The following HIVEP3 variants were observed in gnomAD, a reference collection of about 807,000 sequenced individuals.
The protein encoded by HIVEP3 is transcription factor HIVEP3.
A neutral mutation model predicts 152.8 loss-of-function variants in HIVEP3; 49 were observed. The ratio of observed to expected loss-of-function variants is 0.32; its 90% CI spans 0.26 to 0.41. The LOEUF is 0.41. HIVEP3 is among the 10% of genes least tolerant of loss of function. The probability of loss-of-function intolerance (pLI) is 1.00; values close to 1 mark genes in which losing one functional copy is unlikely to be tolerated. For missense variants in HIVEP3, 2,790 were observed against 3,103.3 expected, an observed-to-expected ratio of 0.90 and a Z score of 2.40; for synonymous variants, 1,269 against 1,289.0, an observed-to-expected ratio of 0.98 and a Z score of 0.33.
chr1:41,893,926 A>G (rs959105319), intron 1 of HIVEP3, among the ~76,000 whole-genome samples: 54 of 148,376 alleles, frequency 3.6e-4, no homozygotes, highest in African/African-American at 1.3e-3. Context: ...ATATATATAT[A>G]AATTGTCTTT....
intron 1 of HIVEP3, among the ~76,000 whole-genome samples, chr1:42,033,323 C>CT (rs796173254): frequency 4.0e-5 from 6 of 151,506 alleles, no homozygotes; most frequent in East Asian, 1.9e-4. Context: ...TTTTAATTGT[C>CT]TTTTTTTTTA....
At chr1:41,955,280 T>C (rs1540974) in intron 1 of HIVEP3, among the ~76,000 whole-genome samples, 70,501 of 151,490 alleles carry the variant, frequency 0.47, 17,108 homozygotes, top group East Asian at 0.71. Context: ...TTTAGAAAAA[T>C]TGTGATGGAA....
chr1:41,734,308 C>T (rs377256160), intron 1 of HIVEP3, among the ~76,000 whole-genome samples: 13 of 152,210 alleles, frequency 8.5e-5, no homozygotes, highest in East Asian at 3.8e-4. Flanking sequence ...ATCTGAAAAA[C>T]GGAGCAGACA....
intron 1 of HIVEP3, among the ~76,000 whole-genome samples, chr1:41,849,368 T>G (rs1365682513): frequency 6.6e-6 from 1 of 152,220 alleles, no homozygotes; most frequent in African/African-American, 2.4e-5. Flanking sequence ...AAACTAACCA[T>G]GCACAAACTT....
intron 2 of HIVEP3, among the ~76,000 whole-genome samples, chr1:41,665,697 G>A (rs1247379639): frequency 1.9e-4 from 6 of 32,224 alleles, no homozygotes; most frequent in Admixed American, 2.5e-4. Context: ...TTGTTTCCAC[G>A]GAAATGTTAT....
At chr1:41,721,265 T>C (rs1646670025) in intron 1 of HIVEP3, among the ~76,000 whole-genome samples, 1 of 151,716 alleles carries the variant, frequency 6.6e-6, no homozygotes, top group Non-Finnish European at 1.5e-5. Flanking sequence ...TGGAGTGCAA[T>C]GGAGCGATCT....
intron 1 of HIVEP3, among the ~76,000 whole-genome samples, chr1:41,711,427 A>G (rs1332927811): frequency 6.6e-6 from 1 of 152,200 alleles, no homozygotes; most frequent in African/African-American, 2.4e-5. Flanking sequence ...CCCAGCAGAC[A>G]CTAAGGAGCA....
intron 1 of HIVEP3, among the ~76,000 whole-genome samples, chr1:41,724,726 C>T (rs1646728369): frequency 6.6e-6 from 1 of 152,240 alleles, no homozygotes; most frequent in Non-Finnish European, 1.5e-5. Context: ...CCAGCCATCA[C>T]ACACAGGCCA....
chr1:41,991,186 C>A (rs1408137932), intron 1 of HIVEP3, among the ~76,000 whole-genome samples: 3 of 152,134 alleles, frequency 2.0e-5, no homozygotes, highest in East Asian at 1.9e-4. Context: ...ACACAAAAAA[C>A]CCTTCAAAAA....
At chr1:41,742,997 G>T (rs1010006763) in intron 1 of HIVEP3, among the ~76,000 whole-genome samples, 3 of 152,108 alleles carry the variant, frequency 2.0e-5, no homozygotes, top group African/African-American at 7.2e-5. Flanking sequence ...AATTTCATGG[G>T]GCTGTTGTGA....
chr1:41,746,020 C>G (rs1647066345), intron 1 of HIVEP3, among the ~76,000 whole-genome samples: 1 of 152,196 alleles, frequency 6.6e-6, no homozygotes, highest in African/African-American at 2.4e-5. Flanking sequence ...GCAGCCAGCC[C>G]CTGGCTGAGA....
intron 1 of HIVEP3, chr1:42,035,802 C>T (rs1276848816): frequency 6.6e-6 from 1 of 151,258 alleles, no homozygotes; most frequent in Non-Finnish European, 1.5e-5. Flanking sequence ...CGCGGCCAGC[C>T]TTACCTGCGC....
In HIVEP3 at chr1:41,511,327, G is replaced by T. The variant is rs1558013976; in HGVS notation, c.6406-61C>A. On this transcript the variant is annotated intron_variant, in intron 8 of 8. Coordinates refer to ENST00000372583, the MANE Select transcript of HIVEP3 (RefSeq NM_024503.5). This position sits in a 1 kb window ranked among gnomAD's most constrained non-coding sequence, Gnocchi z 4.9. Reference sequence around the variant, plus strand: ...TTACATGCTGGGCACATGGGGAGCCGAGGCCTGGAAGTGGGAGGGGGACTC... The same window carrying T: ...TTACATGCTGGGCACATGGGGAGCCTAGGCCTGGAAGTGGGAGGGGGACTC... The T allele has an allele frequency of 2.8e-6, 4 of 1,411,358 alleles. No individual in the cohort carries two copies. Among genetic ancestry groups the T allele is most frequent in the Non-Finnish European group, 3.8e-6 (4 of 1,052,136 alleles). 87.4% of individuals were successfully genotyped at this position (1,411,358 alleles called of 1,614,324 possible).
chr1:41,801,823 A>C (rs1650325846), intron 1 of HIVEP3, among the ~76,000 whole-genome samples: 1 of 152,188 alleles, frequency 6.6e-6, no homozygotes, highest in East Asian at 1.9e-4. Flanking sequence ...CACTGATGAG[A>C]GGAAATAATC....
chr1:41,518,286 AG>A, intron 7 of HIVEP3, 115 bp downstream of exon 7: 3 of 829,680 alleles, frequency 3.6e-6, no homozygotes, highest in South Asian at 1.4e-5. Flanking sequence ...AGAGGGGAGG[AG>A]GGGGAATGGG....
chr1:41,517,929 G>A (rs1022246897), intron 7 of HIVEP3, among the ~76,000 whole-genome samples: 4 of 152,244 alleles, frequency 2.6e-5, no homozygotes, highest in African/African-American at 7.2e-5. Flanking sequence ...CCATGCCAGA[G>A]TGTGTAGGCA....
intron 5 of HIVEP3, among the ~76,000 whole-genome samples, chr1:41,563,636 C>T (rs1043660031): frequency 1.3e-5 from 2 of 152,134 alleles, no homozygotes; most frequent in African/African-American, 4.8e-5. Flanking sequence ...CACTTCCAAT[C>T]ATCTTTGAGC....
chr1:41,719,593 C>T (rs1031621552), intron 1 of HIVEP3, among the ~76,000 whole-genome samples: 4 of 152,242 alleles, frequency 2.6e-5, no homozygotes, highest in Non-Finnish European at 5.9e-5. Context: ...GGCTGCTCCA[C>T]ATCACTCAGG....
At chr1:41,820,140 T>C (rs997910544) in intron 1 of HIVEP3, among the ~76,000 whole-genome samples, 5 of 152,186 alleles carry the variant, frequency 3.3e-5, no homozygotes, top group African/African-American at 1.2e-4. Flanking sequence ...CCCATACATT[T>C]TTTGTCTATT....
Sources: allele counts gnomAD v4.1 joint callset (sites outside exome capture counted in the v4.1 genomes callset), GRCh38; gene constraint gnomAD v4.1.1; non-coding constraint Gnocchi (gnomAD v3.1); transcripts MANE v1.5; gene names NCBI Gene and HGNC (gene_info 2026-07-23, HGNC 2026-07-21).